The following ADAMTS18 variants were observed in gnomAD, a reference collection of about 807,000 sequenced individuals.
ADAMTS18 encodes the protein ADAM metallopeptidase with thrombospondin type 1 motif 18.
Under a neutral mutation model 165.9 loss-of-function variants are expected in ADAMTS18, and 157 were observed. That is an observed-to-expected ratio of 0.95 (90% CI 0.83 to 1.08). The LOEUF is 1.08. ADAMTS18 is among the 50% of genes least tolerant of loss of function. The pLI, the probability that ADAMTS18 is intolerant of heterozygous loss-of-function variation, is 0.00. For synonymous variants in ADAMTS18, 782 were observed against 578.2 expected, an observed-to-expected ratio of 1.35 and a Z score of -5.06; for missense variants, 2,040 against 1,534.0, an observed-to-expected ratio of 1.33 and a Z score of -5.51.
chr16:77,385,518 A>C (rs1177428367), intron 3 of ADAMTS18, among the ~76,000 whole-genome samples: 1 of 152,148 alleles, frequency 6.6e-6, no homozygotes, highest in Non-Finnish European at 1.5e-5. Context: ...GCACACTATC[A>C]GAAAGACACG....
At chr16:77,404,575 T>G (rs1428543392) in intron 3 of ADAMTS18, among the ~76,000 whole-genome samples, 1 of 152,344 alleles carries the variant, frequency 6.6e-6, no homozygotes, top group East Asian at 1.9e-4. Flanking sequence ...ATAATTTGAC[T>G]CTCAAATACA....
At chr16:77,318,231 G>T (rs1219736846) in intron 16 of ADAMTS18, among the ~76,000 whole-genome samples, 1 of 152,130 alleles carries the variant, frequency 6.6e-6, no homozygotes, top group Non-Finnish European at 1.5e-5. Context: ...TTCAAATCTG[G>T]ATGACAGATG....
At chr16:77,423,242 G>T (rs1435141019) in intron 3 of ADAMTS18, among the ~76,000 whole-genome samples, 1 of 152,182 alleles carries the variant, frequency 6.6e-6, no homozygotes, top group Non-Finnish European at 1.5e-5. Flanking sequence ...AATGGCTCCA[G>T]TGTTAATAGC....
intron 3 of ADAMTS18, among the ~76,000 whole-genome samples, chr16:77,419,191 C>A (rs34220173): frequency 6.6e-6 from 1 of 152,050 alleles, no homozygotes; most frequent in Non-Finnish European, 1.5e-5. Context: ...TTGTGTAAGT[C>A]TGAAGTGTGG....
chr16:77,363,717 A>C, intron 6 of ADAMTS18, 85 bp downstream of exon 6: 1 of 1,265,606 alleles, frequency 7.9e-7, no homozygotes, highest in Non-Finnish European at 1.2e-6. Context: ...CGACTAGTAC[A>C]TGGATTAGTG....
intron 7 of ADAMTS18, among the ~76,000 whole-genome samples, chr16:77,361,261 T>C (rs894198333): frequency 1.3e-5 from 2 of 152,226 alleles, no homozygotes; most frequent in Non-Finnish European, 2.9e-5. Context: ...GAAAGTTTGC[T>C]GACTCCTGAT....
chr16:77,323,718 G>C (rs917988462), intron 13 of ADAMTS18, among the ~76,000 whole-genome samples: 1 of 152,132 alleles, frequency 6.6e-6, no homozygotes, highest in African/African-American at 2.4e-5. Context: ...AATGTCACAA[G>C]ACATTCAAGT....
intron 22 of ADAMTS18, 52 bp from the exon 23 acceptor site, chr16:77,284,123 CT>C (rs34369567): frequency 0.13 from 118,465 of 881,674 alleles, 219 homozygotes; most frequent in East Asian, 0.23. Context: ...TATCCTTTTT[CT>C]TTTTTTTTTT....
chr16:77,413,434 C>T (rs1457834883), intron 3 of ADAMTS18, among the ~76,000 whole-genome samples: 1 of 152,150 alleles, frequency 6.6e-6, no homozygotes, highest in Non-Finnish European at 1.5e-5. Flanking sequence ...CTAGCATTGC[C>T]ACCAGCAAGG....
At chr16:77,322,202 A>C in intron 14 of ADAMTS18, 134 bp downstream of exon 14, 1 of 1,042,472 alleles carries the variant, frequency 9.6e-7, no homozygotes, top group African/African-American at 1.6e-5. Context: ...AATCCAGTGA[A>C]ACACTTTGCT....
chr16:77,341,759 C>T lies in ADAMTS18; in HGVS notation c.1655G>A (p.Arg552Lys), dbSNP rs1156906426. The part of the protein sequence containing the change: ...KSLWCHRVGH[R>K]CETKFMPAAE... ...TGCGGGCATAAACTTGGTCTCACAC[C>T]TGTGGCCTACTCGGTGGCACCAAAG... The change falls in exon 11 of 23, where the codon AGG (arginine) becomes AAG (lysine). Residue 552 changes from arginine to lysine, a missense_variant. Physicochemically the swap from Arg to Lys is conservative, Grantham distance 26 (BLOSUM62 2). Coordinates refer to ENST00000282849, the MANE Select transcript of ADAMTS18 (RefSeq NM_199355.4). 1.2e-6 allele frequency: 2 copies of T among 1,613,586 alleles called. No individual in the cohort carries two copies. Among genetic ancestry groups the T allele is most frequent in the South Asian group, 2.2e-5 (2 of 90,946 alleles).
At chr16:77,428,876 A>G (rs2057704807) in intron 3 of ADAMTS18, among the ~76,000 whole-genome samples, 1 of 152,216 alleles carries the variant, frequency 6.6e-6, no homozygotes, top group Non-Finnish European at 1.5e-5. Flanking sequence ...CAATTTATAC[A>G]TACTCTGTGA....
rs528790099 is a variant in ADAMTS18, at chr16:77,351,478, A to G, written c.1614+2255T>C. 3.9e-5 allele frequency among the ~76,000 whole-genome samples: 6 copies of G among 152,296 alleles called. No homozygotes were observed. The East Asian group carries it at 1.2e-3, about 29-fold the overall frequency. ...CTGACACAGACCAGGTACCCCACAA[A>G]TACATGGTTCTGAAGGAATGATAGT... is the stretch of plus-strand genomic sequence containing the variant. On this transcript the variant is annotated intron_variant, in intron 10 of 22. Transcript: ENST00000282849.
chr16:77,337,507 C>A (rs1157771825), intron 11 of ADAMTS18, among the ~76,000 whole-genome samples: 1 of 152,150 alleles, frequency 6.6e-6, no homozygotes, highest in East Asian at 1.9e-4. Context: ...ACAAACTACC[C>A]AAACAGATCT....
intron 4 of ADAMTS18, among the ~76,000 whole-genome samples, chr16:77,366,703 C>T (rs933815306): frequency 5.3e-5 from 8 of 151,958 alleles, no homozygotes; most frequent in African/African-American, 1.9e-4. Context: ...TAAGTATTTC[C>T]AATAAAAATT....
chr16:77,374,218 C>CAA (rs567551649), intron 3 of ADAMTS18, among the ~76,000 whole-genome samples: 4,623 of 85,260 alleles, frequency 0.054, 253 homozygotes, highest in African/African-American at 0.17. Flanking sequence ...GACTCCATCT[C>CAA]AAAAAAAAAA....
At chr16:77,303,477 C>T (rs901041188) in intron 16 of ADAMTS18, among the ~76,000 whole-genome samples, 3 of 152,170 alleles carry the variant, frequency 2.0e-5, no homozygotes, top group African/African-American at 7.2e-5. Flanking sequence ...CCATTTTAGA[C>T]TTCTCTTTTT....
chr16:77,409,817 T>A (rs928093858), intron 3 of ADAMTS18, among the ~76,000 whole-genome samples: 10 of 151,576 alleles, frequency 6.6e-5, no homozygotes, highest in Admixed American at 6.6e-5. Context: ...GCTTTTGGAG[T>A]AAAGAAAAAA....
chr16:77,423,279 T>C (rs982876964), intron 3 of ADAMTS18, among the ~76,000 whole-genome samples: 5 of 152,214 alleles, frequency 3.3e-5, no homozygotes, highest in African/African-American at 1.2e-4. Context: ...TATTAACTGT[T>C]ATGTTTTTAT....
Sources: gnomAD v4.1 joint callset for allele counts (sites outside exome capture counted in the v4.1 genomes callset) on GRCh38, gnomAD v4.1.1 for gene constraint, MANE v1.5 for transcripts, NCBI Gene and HGNC (gene_info 2026-07-23, HGNC 2026-07-21) for gene names.